Variants in CAMK1D observed in about 807,000 individuals in gnomAD.
CAMK1D encodes the protein calcium/calmodulin-dependent protein kinase type 1D.
Under a neutral mutation model 47.7 loss-of-function variants are expected in CAMK1D, and 9 were observed. The ratio of observed to expected loss-of-function variants is 0.19; its 90% CI spans 0.11 to 0.33. The LOEUF is 0.33. Ranked by LOEUF, CAMK1D falls within the 10% of genes least tolerant of loss-of-function variation. CAMK1D has a pLI of 1.00. For synonymous variants in CAMK1D, 184 were observed against 184.9 expected, an observed-to-expected ratio of 0.99 and a Z score of 0.04; for missense variants, 291 against 488.7, an observed-to-expected ratio of 0.60 and a Z score of 3.81.
chr10:12,620,906 G>A (rs1298714878), intron 2 of CAMK1D, among the ~76,000 whole-genome samples: 3 of 152,042 alleles, frequency 2.0e-5, no homozygotes, highest in African/African-American at 7.3e-5. Context: ...CAACTTCTAC[G>A]TTAAACTCCA....
intron 10 of CAMK1D, among the ~76,000 whole-genome samples, chr10:12,827,285 TTC>T (rs1564593625): frequency 7.8e-6 from 1 of 128,258 alleles, no homozygotes; most frequent in Non-Finnish European, 1.7e-5. Flanking sequence ...TCTTTTCTTT[TTC>T]TTTCTTTCTT....
At chr10:12,502,476 C>G (rs1304605027) in intron 1 of CAMK1D, among the ~76,000 whole-genome samples, 1 of 152,166 alleles carries the variant, frequency 6.6e-6, no homozygotes, top group Non-Finnish European at 1.5e-5. Flanking sequence ...GACCTGGCCT[C>G]TACTGACCAG....
intron 1 of CAMK1D, among the ~76,000 whole-genome samples, chr10:12,502,455 C>G (rs1271489780): frequency 6.6e-6 from 1 of 152,136 alleles, no homozygotes; most frequent in Non-Finnish European, 1.5e-5. Context: ...AAGGCAGGTC[C>G]TCGGCCGCAG....
At chr10:12,579,701 C>G (rs1837604445) in intron 2 of CAMK1D, among the ~76,000 whole-genome samples, 1 of 152,212 alleles carries the variant, frequency 6.6e-6, no homozygotes, top group South Asian at 2.1e-4. Flanking sequence ...CAGTGTTACG[C>G]AAACATGAAG....
intron 1 of CAMK1D, among the ~76,000 whole-genome samples, chr10:12,506,452 G>A (rs55878367): frequency 6.6e-6 from 1 of 152,086 alleles, no homozygotes; most frequent in Non-Finnish European, 1.5e-5. Context: ...GACCATTGTA[G>A]GGAAATGTAA....
At chr10:12,479,037 T>C (rs1041917811) in intron 1 of CAMK1D, among the ~76,000 whole-genome samples, 9 of 152,182 alleles carry the variant, frequency 5.9e-5, no homozygotes, top group African/African-American at 1.9e-4. Context: ...GAACTCTGAC[T>C]CAGAATCATT....
chr10:12,467,901 G>T (rs539444643), intron 1 of CAMK1D, among the ~76,000 whole-genome samples: 43 of 152,292 alleles, frequency 2.8e-4, no homozygotes, highest in African/African-American at 1.0e-3. Context: ...TTTGCATGAA[G>T]TTGTCAGGAG....
chr10:12,586,123 GA>G (rs760488032), intron 2 of CAMK1D, among the ~76,000 whole-genome samples: 2 of 152,180 alleles, frequency 1.3e-5, no homozygotes, highest in Non-Finnish European at 2.9e-5. Context: ...GCCCCACCAT[GA>G]ATTAATGCAC....
At chr10:12,695,508 A>T (rs917161982) in intron 3 of CAMK1D, among the ~76,000 whole-genome samples, 2 of 152,146 alleles carry the variant, frequency 1.3e-5, no homozygotes, top group Non-Finnish European at 2.9e-5. Context: ...GCATTAGAAC[A>T]AGCGCATGAT....
intron 1 of CAMK1D, among the ~76,000 whole-genome samples, chr10:12,513,893 A>G (rs973520419): frequency 6.6e-6 from 1 of 152,218 alleles, no homozygotes; most frequent in African/African-American, 2.4e-5. Context: ...ACTCAAAAGT[A>G]GGGAAAGTGC....
At chr10:12,624,325 A>G (rs550486863) in intron 2 of CAMK1D, among the ~76,000 whole-genome samples, 75 of 152,280 alleles carry the variant, frequency 4.9e-4, no homozygotes, top group Non-Finnish European at 9.7e-4. Flanking sequence ...CTACAGTACA[A>G]TGTTGTAAGG....
intron 1 of CAMK1D, among the ~76,000 whole-genome samples, chr10:12,550,442 T>C (rs1324155551): frequency 6.6e-6 from 1 of 152,116 alleles, no homozygotes; most frequent in Non-Finnish European, 1.5e-5. Context: ...AACTCTGAGG[T>C]GCAGCCACCT....
chr10:12,801,395 C>CTATCTATCT (rs1564572319), intron 6 of CAMK1D, among the ~76,000 whole-genome samples: 18 of 70,830 alleles, frequency 2.5e-4, no homozygotes, highest in African/African-American at 8.8e-4. Flanking sequence ...TCTATCTATC[C>CTATCTATCT]ATCCATCTGT....
Position 12,804,330 on chromosome 10 carries a change from G to T in CAMK1D, c.642-9865G>T, listed in dbSNP as rs191231126. ...CGACAAATATTCATTAAATAGTATC[G>T]AGGCCAGGCGCAGTGGCTCACACAT... On this transcript the variant is annotated intron_variant, in intron 6 of 10. Transcript: ENST00000619168. Among the ~76,000 whole-genome samples, 386 of 152,034 alleles carry T rather than the reference G, an allele frequency of 2.5e-3. 3 individuals are homozygous for T. The highest frequency in any genetic ancestry group is 9.1e-3 in the African/African-American group (378 of 41,466).
Position 12,695,801 on chromosome 10 carries a change from G to A in CAMK1D, c.299+28991G>A, listed in dbSNP as rs75324812. Among the ~76,000 whole-genome samples the A allele has an allele frequency of 7.1e-3, 1,078 of 152,282 alleles. 18 individuals carry two copies. Among genetic ancestry groups the A allele is most frequent in the African/African-American group, 0.025 (1,023 of 41,554 alleles). On this transcript the variant is annotated intron_variant, in intron 3 of 10. Transcript: ENST00000619168. Reference sequence around the variant, plus strand: ...GTTAAAAAATAAAGGAATACTGGCCGGGCATGGGGACTCACGCCTGTAATC... The same window carrying A: ...GTTAAAAAATAAAGGAATACTGGCCAGGCATGGGGACTCACGCCTGTAATC...
At position 12,674,392 on chromosome 10, in the gene CAMK1D, G is replaced by A. The variant is rs1189758529; in HGVS notation, c.299+7582G>A. Among the ~76,000 whole-genome samples the A allele has an allele frequency of 2.6e-5, 4 of 152,132 alleles. No homozygotes were observed. In the East Asian group the frequency reaches 5.8e-4, roughly 22 times the overall value. On this transcript the variant is annotated intron_variant, in intron 3 of 10. Coordinates refer to ENST00000619168, the MANE Select transcript of CAMK1D (RefSeq NM_153498.4). Reference sequence around the variant, plus strand: ...GAGGACTGTATTTTACAATGTTTGTGCCTCGGAAAGTTTTAGTTTCCTAGG... The same window carrying A: ...GAGGACTGTATTTTACAATGTTTGTACCTCGGAAAGTTTTAGTTTCCTAGG...
chr10:12,580,358 T>TA (rs1554791859), intron 2 of CAMK1D, among the ~76,000 whole-genome samples: 2 of 134,768 alleles, frequency 1.5e-5, no homozygotes, highest in African/African-American at 5.4e-5. Flanking sequence ...TTTTTTTTTT[T>TA]AATATAGCTT....
intron 3 of CAMK1D, among the ~76,000 whole-genome samples, chr10:12,671,845 G>T (rs78718530): frequency 6.7e-6 from 1 of 149,986 alleles, no homozygotes; most frequent in East Asian, 1.9e-4. Flanking sequence ...CTTTGAGTTG[G>T]TCTGCTTTAT....
chr10:12,355,254 C>T (rs774129915), intron 1 of CAMK1D, among the ~76,000 whole-genome samples: 2 of 152,114 alleles, frequency 1.3e-5, no homozygotes, highest in Non-Finnish European at 2.9e-5. Context: ...TAAATGAGTG[C>T]CTGCTGGATG....
Sources: allele counts gnomAD v4.1 joint callset (sites outside exome capture counted in the v4.1 genomes callset), GRCh38; gene constraint gnomAD v4.1.1; transcripts MANE v1.5; gene names NCBI Gene and HGNC (gene_info 2026-07-23, HGNC 2026-07-21).